GRID1: variants seen among roughly 807,000 people sequenced by gnomAD.
GRID1 encodes the protein glutamate ionotropic receptor delta type subunit 1.
In GRID1, 28 loss-of-function variants were observed where a neutral mutation model predicts 98.0. The ratio of observed to expected loss-of-function variants is 0.29; its 90% CI spans 0.21 to 0.39. The LOEUF (loss-of-function observed/expected upper bound fraction) is 0.39, where lower values mean the gene tolerates loss of function less well. Ranked by LOEUF, GRID1 falls within the 10% of genes least tolerant of loss-of-function variation. The pLI, the probability that GRID1 is intolerant of heterozygous loss-of-function variation, is 1.00. For missense variants in GRID1, 1,111 were observed against 1,340.5 expected (o/e 0.83, Z 2.67); for synonymous variants, 553 against 538.5 (o/e 1.03, Z -0.37).
At chr10:85,660,205 G>A (rs565161756) in intron 12 of GRID1, among the ~76,000 whole-genome samples, 2 of 152,346 alleles carry the variant, frequency 1.3e-5, no homozygotes, top group East Asian at 1.9e-4. Flanking sequence ...GGCATCAATG[G>A]GAGCCCACCT....
At chr10:85,958,080 CCA>C (rs1304689550) in intron 4 of GRID1, among the ~76,000 whole-genome samples, 1 of 152,214 alleles carries the variant, frequency 6.6e-6, no homozygotes, top group Non-Finnish European at 1.5e-5. Context: ...CCTCACAGGC[CCA>C]GGGCCAATAA....
chr10:85,658,657 A>G (rs1477003208), intron 12 of GRID1, among the ~76,000 whole-genome samples: 2 of 152,214 alleles, frequency 1.3e-5, no homozygotes, highest in African/African-American at 4.8e-5. Flanking sequence ...TCATGGGAAC[A>G]TGAAGTTGAA....
chr10:85,618,952 T>C (rs1438274650), intron 14 of GRID1, among the ~76,000 whole-genome samples: 4 of 152,228 alleles, frequency 2.6e-5, no homozygotes, highest in Non-Finnish European at 5.9e-5. Flanking sequence ...CTGAAATTCA[T>C]GCATTAATCA....
chr10:86,068,938 C>G (rs1302236866), intron 4 of GRID1, among the ~76,000 whole-genome samples: 1 of 152,064 alleles, frequency 6.6e-6, no homozygotes, highest in Non-Finnish European at 1.5e-5. Flanking sequence ...CCAATCACCC[C>G]CTGCCCAGTG....
intron 4 of GRID1, among the ~76,000 whole-genome samples, chr10:86,111,900 A>T (rs950040442): frequency 3.3e-5 from 5 of 152,208 alleles, no homozygotes; most frequent in African/African-American, 1.2e-4. Context: ...ATGGTCTGGG[A>T]ATACTACAGA....
intron 8 of GRID1, among the ~76,000 whole-genome samples, chr10:85,827,675 G>A (rs1372079055): frequency 6.7e-6 from 1 of 150,112 alleles, no homozygotes; most frequent in African/African-American, 2.5e-5. Flanking sequence ...GCCAACAATG[G>A]TTAAAAAAAA....
intron 12 of GRID1, among the ~76,000 whole-genome samples, chr10:85,709,722 G>A (rs1233458004): frequency 6.6e-6 from 1 of 152,148 alleles, no homozygotes; most frequent in African/African-American, 2.4e-5. Flanking sequence ...AGATAAGAAA[G>A]AGAGGAAAAT....
intron 5 of GRID1, among the ~76,000 whole-genome samples, chr10:85,886,776 T>G (rs1341877820): frequency 1.3e-5 from 2 of 152,152 alleles, no homozygotes; most frequent in South Asian, 2.1e-4. Context: ...GCAAACCAGG[T>G]GCAAAACTCA....
intron 2 of GRID1, among the ~76,000 whole-genome samples, chr10:86,354,676 T>C (rs1848510085): frequency 6.6e-6 from 1 of 152,184 alleles, no homozygotes; most frequent in South Asian, 2.1e-4. Flanking sequence ...ACCTGACCCC[T>C]TTCCACCAAA....
At chr10:85,810,217 C>T (rs994532388) in intron 8 of GRID1, among the ~76,000 whole-genome samples, 5 of 151,442 alleles carry the variant, frequency 3.3e-5, no homozygotes, top group Admixed American at 2.6e-4. Flanking sequence ...TGTGCTCTGC[C>T]CTGGGGGCCA....
At chr10:85,823,894 GA>G (rs5786722) in intron 8 of GRID1, among the ~76,000 whole-genome samples, 50,056 of 151,734 alleles carry the variant, frequency 0.33, 8,875 homozygotes, top group African/African-American at 0.44. Context: ...ATGAGTGCTG[GA>G]AAAAATATAT....
chr10:85,663,977 C>A (rs1840993463), intron 12 of GRID1, among the ~76,000 whole-genome samples: 1 of 152,134 alleles, frequency 6.6e-6, no homozygotes, highest in Non-Finnish European at 1.5e-5. Flanking sequence ...TAAAGAGACA[C>A]CTCCCAGAGT....
chr10:86,146,697 A>G (rs928389778), intron 3 of GRID1, among the ~76,000 whole-genome samples: 2 of 151,940 alleles, frequency 1.3e-5, no homozygotes, highest in Non-Finnish European at 2.9e-5. Context: ...GCCAGGCCCT[A>G]TGCTTGGTTC....
At chr10:85,663,615 T>A (rs531640712) in intron 12 of GRID1, among the ~76,000 whole-genome samples, 1 of 152,284 alleles carries the variant, frequency 6.6e-6, no homozygotes, top group South Asian at 2.1e-4. Context: ...CGTCTTGCTG[T>A]GCTGTACTGA....
chr10:85,678,075 A>G (rs1199799699), intron 12 of GRID1, among the ~76,000 whole-genome samples: 1 of 152,140 alleles, frequency 6.6e-6, no homozygotes, highest in African/African-American at 2.4e-5. Context: ...CTTCACCACC[A>G]GCATTCTGCC....
chr10:85,705,521 C>T (rs150904701), intron 12 of GRID1, among the ~76,000 whole-genome samples: 5 of 152,122 alleles, frequency 3.3e-5, no homozygotes, highest in Admixed American at 2.0e-4. Flanking sequence ...CCGAATTCTA[C>T]CACAGGTACA....
intron 14 of GRID1, among the ~76,000 whole-genome samples, chr10:85,615,889 A>C (rs1334452522): frequency 6.6e-6 from 1 of 152,188 alleles, no homozygotes; most frequent in Non-Finnish European, 1.5e-5. Flanking sequence ...AGCAGTTGAA[A>C]AACTAGCTAG....
intron 5 of GRID1, among the ~76,000 whole-genome samples, chr10:85,898,353 C>T (rs1841325040): frequency 6.6e-6 from 1 of 152,144 alleles, no homozygotes; most frequent in Non-Finnish European, 1.5e-5. Context: ...CAGGACATTA[C>T]TGTACACTAC....
At chr10:85,667,500 T>C (rs1841034935) in intron 12 of GRID1, among the ~76,000 whole-genome samples, 3 of 152,192 alleles carry the variant, frequency 2.0e-5, no homozygotes, top group Admixed American at 2.0e-4. Context: ...AGGTTGTCCC[T>C]ATTATTATTC....
Sources: allele counts gnomAD v4.1 joint callset (sites outside exome capture counted in the v4.1 genomes callset), GRCh38; gene constraint gnomAD v4.1.1; transcripts MANE v1.5; gene names NCBI Gene and HGNC (gene_info 2026-07-23, HGNC 2026-07-21).